The following UBR4 variants were observed in gnomAD, a reference collection of about 807,000 sequenced individuals.
The protein encoded by UBR4 is ubiquitin protein ligase E3 component n-recognin 4.
A neutral mutation model predicts 575.6 loss-of-function variants in UBR4; 124 were observed. The ratio of observed to expected loss-of-function variants is 0.22; its 90% CI spans 0.19 to 0.25. The LOEUF is 0.25. UBR4 is among the 10% of genes least tolerant of loss of function. UBR4 has a pLI of 1.00. For missense variants in UBR4, 4,818 were observed against 6,478.8 expected (o/e 0.74, Z 8.80); for synonymous variants, 2,455 against 2,473.7 (o/e 0.99, Z 0.22).
chr1:19,161,078 G>T lies in UBR4; in HGVS notation c.5245C>A (p.Pro1749Thr), dbSNP rs1246165810. 3 of 1,614,104 alleles carry T rather than the reference G, an allele frequency of 1.9e-6. No homozygotes were observed. The highest frequency in any genetic ancestry group is 2.5e-6 in the Non-Finnish European group (3 of 1,180,022). Residue 1749 changes from proline to threonine, a missense_variant, in exon 38 of 106, where the codon CCC (proline) becomes ACC (threonine). By Grantham distance (38) the Pro-to-Thr change is conservative. This residue lies in a region of UBR4 where 159 missense variants were observed against 174.6 expected (regional missense o/e 0.91). Transcript: ENST00000375254. Reference protein sequence around the residue: ...TMKESAFQSEPRISESLVRHA... With the variant: ...TMKESAFQSETRISESLVRHA... Reference sequence around the variant, plus strand: ...CGCACTAGACTCTCTGAAATCCTGGGTTCACTCTGAAATGCCGACTCCTTC... The same window carrying T: ...CGCACTAGACTCTCTGAAATCCTGGTTTCACTCTGAAATGCCGACTCCTTC...
rs148296701 is a variant in UBR4 at position 19,095,863 on chromosome 1, T to A, written c.13519-211A>T. 20 of 503,008 alleles carry A rather than the reference T, an allele frequency of 4.0e-5. No homozygotes were observed. The East Asian group carries it at 7.3e-4, about 18-fold the overall frequency. The allele number at this position is 503,008 out of a possible 1,614,324, so 31.2% of individuals were successfully genotyped here. On this transcript the variant is annotated intron_variant, in intron 92 of 105. Transcript: ENST00000375254. The stretch of plus-strand genomic sequence containing the variant: ...CTGGTAGCTCCAATGGCGGGATATA[T>A]CTCTACCATCTCTAATACAACGGCA...
At chr1:19,140,674 C>G in intron 58 of UBR4, 114 bp downstream of exon 58, 7 of 1,085,724 alleles carry the variant, frequency 6.4e-6, no homozygotes, top group Non-Finnish European at 8.0e-6. Context: ...AAGGCAGAAG[C>G]AGGAAGTCCA....
At position 19,173,595 on chromosome 1, in the gene UBR4, G is replaced by C; in HGVS notation, c.3009C>G (p.Phe1003Leu). 1 of 1,614,122 alleles carries C rather than the reference G, an allele frequency of 6.2e-7. No homozygotes were observed. The change falls in exon 23 of 106, where the codon TTC becomes TTG. Residue 1003 changes from phenylalanine (F) to leucine (L), a missense_variant. Coordinates refer to ENST00000375254, the MANE Select transcript of UBR4 (RefSeq NM_020765.3). Reference protein sequence around the residue: ...ALEACALQYYFLILWRILGIL... With the variant: ...ALEACALQYYLLILWRILGIL... ...TTCCTAGGATCCTCCACAGTATCAA[G>C]AAGTAATATTGAAGGGCACAGGCCT...
rs1172245268 is a variant in UBR4, at chr1:19,161,754, C to G, written c.5028-18G>C. ...AGTGGTACCTACAAAGAACAAGAAC[C>G]AGCAAATAAGCTCAGAAGTCCCAAC... is the stretch of plus-strand genomic sequence containing the variant. On this transcript the variant is annotated intron_variant, in intron 36 of 105. Transcript: ENST00000375254. The G allele has an allele frequency of 6.2e-7, 1 of 1,613,288 alleles. No individual in the cohort carries two copies. The highest frequency in any genetic ancestry group is 2.2e-5 in the East Asian group (1 of 44,878).
chr1:19,184,295 A>G (rs529136550), intron 15 of UBR4, 120 bp from the exon 16 acceptor site: 110 of 1,092,374 alleles, frequency 1.0e-4, no homozygotes, highest in Non-Finnish European at 1.3e-4. Flanking sequence ...AACACAATGA[A>G]TGAAAGAATC....
intron 38 of UBR4, 145 bp downstream of exon 38, chr1:19,160,772 A>C (rs1247809486): frequency 2.6e-6 from 2 of 778,810 alleles, no homozygotes; most frequent in Non-Finnish European, 4.2e-6. Flanking sequence ...TCGTGACGAC[A>C]ATACATAGTA....
At chr1:19,190,157 G>C (rs1007700399) in intron 11 of UBR4, among the ~76,000 whole-genome samples, 1 of 151,286 alleles carries the variant, frequency 6.6e-6, no homozygotes, top group Non-Finnish European at 1.5e-5. Flanking sequence ...AGCTGGGCAT[G>C]GTGGTACACA....
Position 19,088,774 on chromosome 1 carries a change from G to A in UBR4, c.14415C>T (p.Gly4805=). The A allele has an allele frequency of 6.2e-7, 1 of 1,613,518 alleles. No individual in the cohort carries two copies. Among genetic ancestry groups the A allele is most frequent in the South Asian group, 1.1e-5 (1 of 91,042 alleles). Residue 4805 remains glycine (G), a synonymous_variant, in exon 98 of 106, where the codon GGC becomes GGT. Transcript: ENST00000375254. The surrounding 1 kb of genome is among the most constrained non-coding windows in gnomAD (Gnocchi z 4.0). ...MAMAMRQKAL[G]TLGMTTNEKG... Reference sequence around the variant, plus strand: ...GTAGCTTTACCGTCATGCCCAGGGTGCCCAGGGCCTTCTGCCTCATTGCCA... The same window carrying A: ...GTAGCTTTACCGTCATGCCCAGGGTACCCAGGGCCTTCTGCCTCATTGCCA...
chr1:19,115,961 A>G (rs1056276582), intron 73 of UBR4, among the ~76,000 whole-genome samples: 2 of 152,216 alleles, frequency 1.3e-5, no homozygotes, highest in Non-Finnish European at 2.9e-5. Flanking sequence ...AAGAGGTGCA[A>G]TGATGATGCA....
At chr1:19,158,977 A>C (rs1325070479) in intron 39 of UBR4, among the ~76,000 whole-genome samples, 1 of 152,082 alleles carries the variant, frequency 6.6e-6, no homozygotes, top group East Asian at 2.0e-4. Flanking sequence ...TCCTATCTCT[A>C]CTAAAAATAC....
chr1:19,169,095 A>T (rs574547361), intron 27 of UBR4, among the ~76,000 whole-genome samples: 5 of 152,354 alleles, frequency 3.3e-5, no homozygotes, highest in African/African-American at 9.6e-5. Flanking sequence ...AAGGAAACAG[A>T]GTTAACACGT....
intron 66 of UBR4, 142 bp from the exon 67 acceptor site, chr1:19,122,154 A>G: frequency 1.2e-6 from 1 of 801,938 alleles, no homozygotes; most frequent in Non-Finnish European, 2.1e-6. Context: ...GCTTGCTGAG[A>G]TGTCTGGTCA....
chr1:19,170,511 T>C (rs1383815619), intron 26 of UBR4, among the ~76,000 whole-genome samples: 2 of 152,236 alleles, frequency 1.3e-5, no homozygotes, highest in South Asian at 2.1e-4. Flanking sequence ...CCCAGCTCTA[T>C]CTCTTGCAAG....
chr1:19,186,505 C>T (rs2151290134), intron 14 of UBR4, 35 bp downstream of exon 14: 1 of 1,593,660 alleles, frequency 6.3e-7, no homozygotes, highest in Non-Finnish European at 8.6e-7. Flanking sequence ...CACTCTATAG[C>T]TTATCTCTGG....
chr1:19,184,998 C>G, intron 15 of UBR4, 101 bp downstream of exon 15: 2 of 1,420,510 alleles, frequency 1.4e-6, no homozygotes, highest in Non-Finnish European at 2.0e-6. Flanking sequence ...TTAAACATTA[C>G]AGTTATCCAA....
In UBR4 at chr1:19,161,765, C is replaced by T. The variant is rs367729262; in HGVS notation, c.5028-29G>A. 1.4e-5 allele frequency: 22 copies of T among 1,613,538 alleles called. No individual in the cohort carries two copies. The African/African-American group carries it at 2.3e-4, about 17-fold the overall frequency. On this transcript the variant is annotated intron_variant, in intron 36 of 105. Transcript: ENST00000375254. ...CAAAGAACAAGAACCAGCAAATAAGCTCAGAAGTCCCAACAATCGGTGCCC... is the reference window on the plus strand; with the variant it reads ...CAAAGAACAAGAACCAGCAAATAAGTTCAGAAGTCCCAACAATCGGTGCCC...
At chr1:19,202,455 C>G (rs2151731371) in intron 1 of UBR4, among the ~76,000 whole-genome samples, 1 of 152,224 alleles carries the variant, frequency 6.6e-6, no homozygotes, top group Non-Finnish European at 1.5e-5. Context: ...AGTGGGAATA[C>G]AGACTAAAGT....
At chr1:19,132,662 A>G (rs1214741172) in intron 60 of UBR4, among the ~76,000 whole-genome samples, 3 of 150,626 alleles carry the variant, frequency 2.0e-5, no homozygotes, top group African/African-American at 4.9e-5. Flanking sequence ...AAGCAGGAAT[A>G]GAAAGCAGAC....
intron 3 of UBR4, among the ~76,000 whole-genome samples, chr1:19,199,420 T>A (rs1359876348): frequency 6.6e-6 from 1 of 152,234 alleles, no homozygotes; most frequent in Non-Finnish European, 1.5e-5. Context: ...CTGCCTGTTT[T>A]TGTAAATAAA....
Sources: gnomAD v4.1 joint callset for allele counts (sites outside exome capture counted in the v4.1 genomes callset) on GRCh38, gnomAD v4.1.1 for gene constraint, gnomAD v4.1.1 regional missense constraint, Gnocchi (gnomAD v3.1) non-coding constraint, MANE v1.5 for transcripts, NCBI Gene and HGNC (gene_info 2026-07-23, HGNC 2026-07-21) for gene names.